The following MSANTD3 variants were observed in gnomAD, a reference collection of about 807,000 sequenced individuals.
The protein encoded by MSANTD3 is myb/SANT-like DNA-binding domain-containing protein 3.
Under a neutral mutation model 27.7 loss-of-function variants are expected in MSANTD3, and 11 were observed. That is an observed-to-expected ratio of 0.40 (90% CI 0.25 to 0.66). The LOEUF is 0.66. Ranked by LOEUF, MSANTD3 falls within the 30% of genes least tolerant of loss-of-function variation. The pLI is 0.41. For missense variants in MSANTD3, 250 were observed against 336.5 expected, an observed-to-expected ratio of 0.74 and a Z score of 2.01; for synonymous variants, 131 against 127.2, an observed-to-expected ratio of 1.03 and a Z score of -0.20.
intron 1 of MSANTD3, among the ~76,000 whole-genome samples, chr9:100,433,774 G>A (rs1414782751): frequency 2.0e-5 from 3 of 152,076 alleles, no homozygotes; most frequent in African/African-American, 4.8e-5. Context: ...TAGAGCAAAC[G>A]GATTGCCCAT....
At chr9:100,445,451 A>T (rs1564251432) in intron 2 of MSANTD3, among the ~76,000 whole-genome samples, 1 of 152,212 alleles carries the variant, frequency 6.6e-6, no homozygotes, top group African/African-American at 2.4e-5. Flanking sequence ...GTACCTAAAA[A>T]TGTAAAAAAA....
In MSANTD3 at chr9:100,451,115, A is replaced by T. The variant is rs1378068954; in HGVS notation, c.*149A>T. ...TATTTAAGAATTCATTCAGGTAAAC[A>T]GCTGCACCCTCTGTACCCCTTAAGT... is the stretch of plus-strand genomic sequence containing the variant. On this transcript the variant is annotated 3_prime_UTR_variant, in exon 3 of 3. Transcript: ENST00000395067. 9.5e-6 allele frequency: 7 copies of T among 736,978 alleles called. No homozygotes were observed. The highest frequency in any genetic ancestry group is 1.5e-5 in the Non-Finnish European group (7 of 464,442). 45.7% of individuals were successfully genotyped at this position (736,978 alleles called of 1,614,324 possible). A position where few individuals can be genotyped will look rare whatever the true frequency, so the allele number is the denominator to read the frequency against.
intron 1 of MSANTD3, chr9:100,429,492 A>G (rs1383831054): frequency 1.3e-5 from 2 of 152,182 alleles, no homozygotes; most frequent in Non-Finnish European, 2.9e-5. Flanking sequence ...GTCAGAAATT[A>G]TGTATTCCCC....
At chr9:100,443,117 C>T (rs78024189) in intron 2 of MSANTD3, among the ~76,000 whole-genome samples, 21,482 of 151,968 alleles carry the variant, frequency 0.14, 1,768 homozygotes, top group Middle Eastern at 0.2. Flanking sequence ...AAGAGTCAAC[C>T]GGCTGGGTTC....
chr9:100,442,829 A>AG (rs1491291126), intron 2 of MSANTD3, among the ~76,000 whole-genome samples: 8 of 149,782 alleles, frequency 5.3e-5, no homozygotes. Flanking sequence ...AAAAAAAAAA[A>AG]GTAATATATA....
At chr9:100,433,236 A>G (rs1836410375) in intron 1 of MSANTD3, among the ~76,000 whole-genome samples, 1 of 152,196 alleles carries the variant, frequency 6.6e-6, no homozygotes, top group Non-Finnish European at 1.5e-5. Context: ...CTGTAAAGTA[A>G]GAGGATTAGA....
At chr9:100,432,841 T>C (rs1235879030) in intron 1 of MSANTD3, among the ~76,000 whole-genome samples, 2 of 152,250 alleles carry the variant, frequency 1.3e-5, no homozygotes, top group Non-Finnish European at 2.9e-5. Context: ...ACTATGTGTC[T>C]TTGGCAGTGA....
intron 1 of MSANTD3, among the ~76,000 whole-genome samples, chr9:100,438,958 C>A (rs1836541427): frequency 6.6e-6 from 1 of 152,272 alleles, no homozygotes; most frequent in Non-Finnish European, 1.5e-5. Flanking sequence ...AGATAAATGT[C>A]CGCTCATTTA....
At chr9:100,447,249 T>A in intron 2 of MSANTD3, among the ~76,000 whole-genome samples, 1 of 152,152 alleles carries the variant, frequency 6.6e-6, no homozygotes, top group East Asian at 1.9e-4. Flanking sequence ...ATTCTTCCCA[T>A]CTGAACAGTA....
chr9:100,427,595 A>C (rs1402974022), intron 1 of MSANTD3: 2 of 151,480 alleles, frequency 1.3e-5, no homozygotes, highest in Non-Finnish European at 2.9e-5. Context: ...CCTGCTGCCT[A>C]CAAAGCCCCG....
intron 1 of MSANTD3, among the ~76,000 whole-genome samples, chr9:100,434,427 A>G (rs896225768): frequency 8.5e-5 from 13 of 152,104 alleles, no homozygotes; most frequent in Non-Finnish European, 1.9e-4. Flanking sequence ...CTACTTGGGA[A>G]GCTGAAGCAG....
intron 1 of MSANTD3, among the ~76,000 whole-genome samples, chr9:100,437,745 G>C (rs891459417): frequency 6.6e-6 from 1 of 152,148 alleles, no homozygotes; most frequent in Admixed American, 6.5e-5. Context: ...CTGAGCATTT[G>C]CTTTTAAGAG....
intron 1 of MSANTD3, among the ~76,000 whole-genome samples, chr9:100,428,583 G>A (rs1836295275): frequency 6.6e-6 from 1 of 152,120 alleles, no homozygotes. Flanking sequence ...ACCCGGGCTA[G>A]GGGACAAAGG....
chr9:100,439,925 A>G (rs1401885130), intron 1 of MSANTD3, among the ~76,000 whole-genome samples: 1 of 152,060 alleles, frequency 6.6e-6, no homozygotes, highest in East Asian at 1.9e-4. Context: ...AGAATGTAAG[A>G]AGGACTGGGA....
chr9:100,437,683 T>G (rs1016177), intron 1 of MSANTD3, among the ~76,000 whole-genome samples: 21,548 of 152,200 alleles, frequency 0.14, 1,766 homozygotes, highest in Middle Eastern at 0.2. Context: ...AGCTAGTGAT[T>G]AAATAACAGT....
intron 2 of MSANTD3, 88 bp downstream of exon 2, chr9:100,442,444 C>A: frequency 6.7e-7 from 1 of 1,496,570 alleles, no homozygotes. Flanking sequence ...GAGGGAACTT[C>A]TAAAAATGAA....
intron 2 of MSANTD3, among the ~76,000 whole-genome samples, chr9:100,446,535 C>A (rs567155009): frequency 2.6e-5 from 4 of 152,170 alleles, no homozygotes; most frequent in Non-Finnish European, 1.5e-5. Flanking sequence ...TTTTTAAGAT[C>A]AATTCCTAGG....
At chr9:100,449,225 T>C (rs2118134719) in intron 2 of MSANTD3, 1 of 985,424 alleles carries the variant, frequency 1.0e-6, no homozygotes, top group South Asian at 4.7e-5. Flanking sequence ...TTGACACTGA[T>C]GTTACTGCTC....
chr9:100,437,403 G>A (rs1836501032), intron 1 of MSANTD3, among the ~76,000 whole-genome samples: 3 of 152,210 alleles, frequency 2.0e-5, no homozygotes, highest in Non-Finnish European at 4.4e-5. Flanking sequence ...AGGAGCATGA[G>A]CATTGGAGTA....
Sources: gnomAD v4.1 joint callset for allele counts (sites outside exome capture counted in the v4.1 genomes callset) on GRCh38, gnomAD v4.1.1 for gene constraint, MANE v1.5 for transcripts, NCBI Gene and HGNC (gene_info 2026-07-23, HGNC 2026-07-21) for gene names.